Variants in KAZN observed in about 807,000 individuals in gnomAD.
The protein encoded by KAZN is kazrin.
In KAZN, 40 loss-of-function variants were observed where a neutral mutation model predicts 87.4. The observed-to-expected ratio is 0.46, with a 90% CI of 0.36 to 0.60. The LOEUF is 0.60. Ranked by LOEUF, KAZN falls within the 20% of genes least tolerant of loss-of-function variation. The probability of loss-of-function intolerance (pLI) is 0.00; values close to 1 mark genes in which losing one functional copy is unlikely to be tolerated. For synonymous variants in KAZN, 466 were observed against 458.3 expected (o/e 1.02, Z -0.22); for missense variants, 898 against 1,073.9 (o/e 0.84, Z 2.29).
At chr1:14,980,522 A>G (rs1666129396) in intron 2 of KAZN, among the ~76,000 whole-genome samples, 1 of 152,176 alleles carries the variant, frequency 6.6e-6, no homozygotes, top group Non-Finnish European at 1.5e-5. Context: ...CCCCCTGGAC[A>G]GGAATAGGAA....
chr1:15,003,485 A>G (rs1668705852), intron 2 of KAZN, among the ~76,000 whole-genome samples: 1 of 152,190 alleles, frequency 6.6e-6, no homozygotes, highest in Non-Finnish European at 1.5e-5. Context: ...AGGTTATCCC[A>G]TACCAGTGAT....
At chr1:15,098,637 C>T (rs1224004326) in intron 10 of KAZN, among the ~76,000 whole-genome samples, 1 of 152,256 alleles carries the variant, frequency 6.6e-6, no homozygotes, top group East Asian at 1.9e-4. Context: ...CCAGCTCCTG[C>T]CCGAGAGAAC....
At chr1:14,585,273 G>A (rs1417719109) in intron 2 of KAZN, among the ~76,000 whole-genome samples, 3 of 152,172 alleles carry the variant, frequency 2.0e-5, no homozygotes, top group African/African-American at 4.8e-5. Flanking sequence ...CACCCTTGAG[G>A]GACGGTGCTA....
intron 1 of KAZN, among the ~76,000 whole-genome samples, chr1:14,777,924 T>C (rs1645227819): frequency 6.6e-6 from 1 of 152,172 alleles, no homozygotes; most frequent in Admixed American, 6.5e-5. Flanking sequence ...GCATGCTAAT[T>C]CATTATAATT....
chr1:15,092,635 C>A (rs191328973), intron 8 of KAZN, among the ~76,000 whole-genome samples: 285 of 152,164 alleles, frequency 1.9e-3, no homozygotes, highest in African/African-American at 6.5e-3. Flanking sequence ...CCACGTCCAG[C>A]TAATTTTTTT....
intron 1 of KAZN, among the ~76,000 whole-genome samples, chr1:14,823,021 G>T (rs867837102): frequency 3.3e-5 from 5 of 152,160 alleles, no homozygotes; most frequent in African/African-American, 4.8e-5. Context: ...GAAAATGGAG[G>T]TTCTCTTCGA....
intron 2 of KAZN, among the ~76,000 whole-genome samples, chr1:14,258,633 A>G (rs892974052): frequency 2.0e-5 from 3 of 152,162 alleles, no homozygotes; most frequent in Admixed American, 2.0e-4. Context: ...TTGGCGAGTT[A>G]AGCTGCTTTG....
chr1:14,537,029 T>A (rs1672541819), intron 2 of KAZN, among the ~76,000 whole-genome samples: 1 of 152,250 alleles, frequency 6.6e-6, no homozygotes, highest in Non-Finnish European at 1.5e-5. Context: ...TGACTTGTTC[T>A]GTGTCATAGT....
chr1:14,539,808 A>G (rs1010756770), intron 2 of KAZN, among the ~76,000 whole-genome samples: 2 of 152,132 alleles, frequency 1.3e-5, no homozygotes, highest in African/African-American at 4.8e-5. Flanking sequence ...ATCAGAACCT[A>G]AATTTTGTTA....
intron 2 of KAZN, among the ~76,000 whole-genome samples, chr1:14,398,455 TG>T (rs1187256270): frequency 6.6e-6 from 1 of 152,210 alleles, no homozygotes; most frequent in African/African-American, 2.4e-5. Context: ...ATAATGCACC[TG>T]AAACAGTGCC....
chr1:14,113,836 G>T (rs1644550612), intron 1 of KAZN, among the ~76,000 whole-genome samples: 2 of 152,220 alleles, frequency 1.3e-5, no homozygotes, highest in Admixed American at 1.3e-4. Context: ...CAAGGGCTTT[G>T]CATGGTGGAA....
At chr1:14,056,769 A>G (rs1162952295) in intron 1 of KAZN, among the ~76,000 whole-genome samples, 2 of 152,218 alleles carry the variant, frequency 1.3e-5, no homozygotes, top group Non-Finnish European at 2.9e-5. Flanking sequence ...ACCAGACTGG[A>G]AATGGCCTTT....
intron 2 of KAZN, among the ~76,000 whole-genome samples, chr1:14,994,656 C>T (rs1185079238): frequency 2.0e-5 from 3 of 152,220 alleles, no homozygotes; most frequent in Non-Finnish European, 4.4e-5. Context: ...CTTGGGCTTC[C>T]TCTCAGCGTC....
intron 1 of KAZN, among the ~76,000 whole-genome samples, chr1:14,667,287 A>G (rs893771162): frequency 6.6e-6 from 1 of 152,180 alleles, no homozygotes; most frequent in African/African-American, 2.4e-5. Context: ...GCATCCTCAG[A>G]GCACATGGTT....
intron 2 of KAZN, among the ~76,000 whole-genome samples, chr1:14,548,452 G>A (rs745635521): frequency 5.3e-5 from 8 of 152,054 alleles, no homozygotes; most frequent in Non-Finnish European, 1.0e-4. Context: ...GCCCACCTCT[G>A]CCTCCAAAAG....
chr1:14,211,471 G>C (rs928544478), intron 2 of KAZN, among the ~76,000 whole-genome samples: 3 of 152,066 alleles, frequency 2.0e-5, no homozygotes, highest in Non-Finnish European at 4.4e-5. Flanking sequence ...TGATCTGCCC[G>C]CCTCGGCCTC....
At chr1:14,844,529 A>G (rs889440523) in intron 1 of KAZN, among the ~76,000 whole-genome samples, 2 of 152,222 alleles carry the variant, frequency 1.3e-5, no homozygotes, top group African/African-American at 4.8e-5. Context: ...CTGGCTGAAC[A>G]TGCGCTAGAA....
chr1:14,573,142 T>TC (rs58863405), intron 2 of KAZN, among the ~76,000 whole-genome samples: 7,149 of 152,150 alleles, frequency 0.047, 584 homozygotes, highest in African/African-American at 0.16. Context: ...CTCCTAGGGG[T>TC]CAGTAAACCC....
chr1:15,107,650 T>C (rs1641341056), intron 13 of KAZN, among the ~76,000 whole-genome samples: 1 of 152,144 alleles, frequency 6.6e-6, no homozygotes, highest in South Asian at 2.1e-4. Context: ...AACCAGTACA[T>C]CATAAGACAC....
Sources: allele counts gnomAD v4.1 joint callset (sites outside exome capture counted in the v4.1 genomes callset), GRCh38; gene constraint gnomAD v4.1.1; transcripts MANE v1.5; gene names NCBI Gene and HGNC (gene_info 2026-07-23, HGNC 2026-07-21).